The following MACROD1 variants were observed in gnomAD, a reference collection of about 807,000 sequenced individuals.
MACROD1 encodes ADP-ribose glycohydrolase MACROD1.
In MACROD1, 31 loss-of-function variants were observed where a neutral mutation model predicts 41.4. That is an observed-to-expected ratio of 0.75 (90% CI 0.56 to 1.01). The LOEUF is 1.01. MACROD1 is among the 50% of genes least tolerant of loss of function. The pLI is 0.00. For synonymous variants in MACROD1, 252 were observed against 203.4 expected, an observed-to-expected ratio of 1.24 and a Z score of -2.03; for missense variants, 473 against 460.0, an observed-to-expected ratio of 1.03 and a Z score of -0.26.
At chr11:64,019,993 C>T (rs1304867059) in intron 3 of MACROD1, among the ~76,000 whole-genome samples, 2 of 152,108 alleles carry the variant, frequency 1.3e-5, no homozygotes, top group Admixed American at 6.5e-5. Flanking sequence ...GCCAGCCTCC[C>T]TGCTGGGCAC....
intron 4 of MACROD1, among the ~76,000 whole-genome samples, chr11:64,011,811 C>T (rs1208782697): frequency 2.0e-5 from 3 of 152,006 alleles, no homozygotes; most frequent in East Asian, 3.9e-4. Flanking sequence ...TGTCCAGGGA[C>T]CCCACGGGAA....
chr11:64,131,462 G>A (rs986348174), intron 3 of MACROD1, among the ~76,000 whole-genome samples: 3 of 152,164 alleles, frequency 2.0e-5, no homozygotes, highest in South Asian at 2.1e-4. Flanking sequence ...AAGTAGCTGC[G>A]TGTACAGGCG....
chr11:64,057,843 C>CT (rs1943818625), intron 3 of MACROD1, among the ~76,000 whole-genome samples: 1 of 152,256 alleles, frequency 6.6e-6, no homozygotes, highest in South Asian at 2.1e-4. Flanking sequence ...CCCCTTTCCA[C>CT]TTTACAGTTG....
intron 3 of MACROD1, among the ~76,000 whole-genome samples, chr11:64,020,858 C>G (rs1399805774): frequency 6.6e-6 from 1 of 152,122 alleles, no homozygotes; most frequent in Non-Finnish European, 1.5e-5. Context: ...AGCTGAAAGT[C>G]TAGGTGCGAG....
chr11:64,165,382 T>C (rs1945823631), intron 1 of MACROD1, among the ~76,000 whole-genome samples: 1 of 152,070 alleles, frequency 6.6e-6, no homozygotes, highest in Non-Finnish European at 1.5e-5. Flanking sequence ...GGGAAGGAAG[T>C]TGGTAGGTCC....
intron 3 of MACROD1, among the ~76,000 whole-genome samples, chr11:64,101,517 C>T (rs879744643): frequency 2.6e-5 from 4 of 152,198 alleles, no homozygotes; most frequent in Non-Finnish European, 4.4e-5. Flanking sequence ...AATGCCAAGG[C>T]CCGCTGCCCC....
chr11:64,110,991 G>C (rs1237610931), intron 3 of MACROD1, among the ~76,000 whole-genome samples: 1 of 152,222 alleles, frequency 6.6e-6, no homozygotes, highest in Non-Finnish European at 1.5e-5. Context: ...GGCCAAGATG[G>C]ATGAGGCCCA....
intron 3 of MACROD1, among the ~76,000 whole-genome samples, chr11:64,078,182 CCA>C (rs1944238573): frequency 6.6e-6 from 1 of 152,216 alleles, no homozygotes; most frequent in Admixed American, 6.5e-5. Flanking sequence ...TGTGCCCGCC[CCA>C]GAGATGCAGA....
At chr11:64,164,598 G>A (rs929766742) in intron 1 of MACROD1, among the ~76,000 whole-genome samples, 5 of 152,366 alleles carry the variant, frequency 3.3e-5, no homozygotes, top group African/African-American at 7.2e-5. Flanking sequence ...GCTTTCTGCC[G>A]TCACTTTTAG....
rs181376258 is a variant in MACROD1 at position 64,103,019 on chromosome 11, C to T, written c.517+48220G>A. On this transcript the variant is annotated intron_variant, in intron 3 of 10. Transcript: ENST00000255681. ...CTGGGAGGCAGAGGTCGCAGTGAGCCGAGATTGTGCCACTGCACTCTAGCC... is the reference window on the plus strand; with the variant it reads ...CTGGGAGGCAGAGGTCGCAGTGAGCTGAGATTGTGCCACTGCACTCTAGCC... Among the ~76,000 whole-genome samples, 491 of 151,590 alleles carry T rather than the reference C, an allele frequency of 3.2e-3. 3 individuals are homozygous for T. The highest frequency in any genetic ancestry group is 0.02 in the Middle Eastern group (6 of 294).
At chr11:64,109,954 T>C (rs1433431327) in intron 3 of MACROD1, among the ~76,000 whole-genome samples, 1 of 151,950 alleles carries the variant, frequency 6.6e-6, no homozygotes, top group Non-Finnish European at 1.5e-5. Flanking sequence ...AGCTAGGCCG[T>C]GTGTCTGGGG....
chr11:64,074,522 A>G (rs1195590400), intron 3 of MACROD1, among the ~76,000 whole-genome samples: 1 of 152,202 alleles, frequency 6.6e-6, no homozygotes, highest in African/African-American at 2.4e-5. Flanking sequence ...TTTCTGGCCT[A>G]AGGTCACGCA....
At chr11:64,039,457 G>T (rs981454482) in intron 3 of MACROD1, among the ~76,000 whole-genome samples, 2 of 152,158 alleles carry the variant, frequency 1.3e-5, no homozygotes, top group African/African-American at 4.8e-5. Flanking sequence ...TGTTCTGCCG[G>T]AGACAAAGTT....
intron 3 of MACROD1, among the ~76,000 whole-genome samples, chr11:64,076,964 C>T (rs529558761): frequency 2.0e-5 from 3 of 152,284 alleles, no homozygotes; most frequent in African/African-American, 7.2e-5. Flanking sequence ...TGGGTTATCA[C>T]CTCCTAAAAA....
At position 64,096,925 on chromosome 11, in the gene MACROD1, T is replaced by C. The variant is rs887128112; in HGVS notation, c.517+54314A>G. Among the ~76,000 whole-genome samples the C allele has an allele frequency of 1.3e-5, 2 of 152,166 alleles. No homozygotes were observed. Among genetic ancestry groups the C allele is most frequent in the African/African-American group, 4.8e-5 (2 of 41,456 alleles). On this transcript the variant is annotated intron_variant, in intron 3 of 10. Coordinates refer to ENST00000255681, the MANE Select transcript of MACROD1 (RefSeq NM_014067.4). The surrounding 1 kb of genome is among the most constrained non-coding windows in gnomAD (Gnocchi z 4.6). Reference sequence around the variant, plus strand: ...TCCGTGAGCTGGGTGCGAGTGGCCCTTGCTGGTCCCCCGCTCACCCACTCT... The same window carrying C: ...TCCGTGAGCTGGGTGCGAGTGGCCCCTGCTGGTCCCCCGCTCACCCACTCT...
chr11:64,156,140 C>T (rs888424096), intron 1 of MACROD1, among the ~76,000 whole-genome samples: 2 of 149,410 alleles, frequency 1.3e-5, no homozygotes, highest in Non-Finnish European at 3.0e-5. Flanking sequence ...ATCAGCTGAG[C>T]GTGGTGGACA....
intron 3 of MACROD1, among the ~76,000 whole-genome samples, chr11:64,093,671 G>A (rs748646681): frequency 6.6e-5 from 10 of 152,216 alleles, no homozygotes; most frequent in Non-Finnish European, 1.5e-4. Context: ...GGACAGGGCT[G>A]AACAAGCCCC....
intron 3 of MACROD1, among the ~76,000 whole-genome samples, chr11:64,058,192 C>T (rs917050729): frequency 1.3e-5 from 2 of 152,274 alleles, no homozygotes; most frequent in African/African-American, 4.8e-5. Flanking sequence ...AATGACTAAT[C>T]CTCTCTTTCT....
intron 3 of MACROD1, among the ~76,000 whole-genome samples, chr11:64,025,127 C>G (rs550536481): frequency 6.6e-6 from 1 of 152,226 alleles, no homozygotes; most frequent in Non-Finnish European, 1.5e-5. Flanking sequence ...TACAGGCACA[C>G]GACACCACAC....
Sources: allele counts gnomAD v4.1 joint callset (sites outside exome capture counted in the v4.1 genomes callset), GRCh38; gene constraint gnomAD v4.1.1; non-coding constraint Gnocchi (gnomAD v3.1); transcripts MANE v1.5; gene names NCBI Gene and HGNC (gene_info 2026-07-23, HGNC 2026-07-21).